Variants in CADM2 observed in about 807,000 individuals in gnomAD.
CADM2 encodes cell adhesion molecule 2.
Under a neutral mutation model 49.8 loss-of-function variants are expected in CADM2, and 12 were observed. That is an observed-to-expected ratio of 0.24 (90% CI 0.15 to 0.39). The LOEUF is 0.39. Among genes scored for constraint, CADM2 ranks in the 10% least tolerant of loss-of-function variants. CADM2 has a pLI of 1.00. For missense variants in CADM2, 378 were observed against 492.3 expected (o/e 0.77, Z 2.20); for synonymous variants, 214 against 175.4 (o/e 1.22, Z -1.74).
intron 8 of CADM2, among the ~76,000 whole-genome samples, chr3:86,064,240 G>C (rs1265227204): frequency 6.6e-6 from 1 of 151,756 alleles, no homozygotes; most frequent in Non-Finnish European, 1.5e-5. Flanking sequence ...GGTGTGTGAT[G>C]TTCCCCTTCC....
At chr3:85,181,051 C>G (rs1326929376) in intron 1 of CADM2, among the ~76,000 whole-genome samples, 1 of 152,078 alleles carries the variant, frequency 6.6e-6, no homozygotes, top group East Asian at 1.9e-4. Flanking sequence ...AGTGACTGAA[C>G]AAAGAACTCC....
chr3:85,856,698 T>A (rs886338123), intron 3 of CADM2, among the ~76,000 whole-genome samples: 14 of 152,308 alleles, frequency 9.2e-5, no homozygotes, highest in Middle Eastern at 3.4e-3. Context: ...TGAAAAATGT[T>A]CAATTGAATT....
chr3:85,746,726 C>T (rs2068637016), intron 2 of CADM2, among the ~76,000 whole-genome samples: 1 of 152,122 alleles, frequency 6.6e-6, no homozygotes, highest in Non-Finnish European at 1.5e-5. Context: ...TCTGAACCAT[C>T]TAGAGCTCAC....
chr3:85,361,217 G>A (rs1233795671), intron 1 of CADM2, among the ~76,000 whole-genome samples: 1 of 152,148 alleles, frequency 6.6e-6, no homozygotes, highest in Non-Finnish European at 1.5e-5. Context: ...CAGTTTAGCA[G>A]TGCTTGGTGG....
At chr3:85,211,678 A>T (rs960082098) in intron 1 of CADM2, among the ~76,000 whole-genome samples, 1 of 152,124 alleles carries the variant, frequency 6.6e-6, no homozygotes, top group African/African-American at 2.4e-5. Context: ...TAATATTTAA[A>T]ACTCGTTTTG....
intron 1 of CADM2, among the ~76,000 whole-genome samples, chr3:85,549,450 A>G (rs953808708): frequency 5.9e-5 from 9 of 152,184 alleles, no homozygotes; most frequent in African/African-American, 2.2e-4. Context: ...AACAAGAACT[A>G]TAGATATCTA....
At chr3:85,840,376 G>A (rs537601639) in intron 3 of CADM2, among the ~76,000 whole-genome samples, 4 of 151,836 alleles carry the variant, frequency 2.6e-5, no homozygotes, top group Non-Finnish European at 4.4e-5. Context: ...CACCAAAAGC[G>A]GTCACCTAAG....
At chr3:85,742,726 T>C (rs1335084634) in intron 2 of CADM2, among the ~76,000 whole-genome samples, 1 of 152,170 alleles carries the variant, frequency 6.6e-6, no homozygotes, top group Non-Finnish European at 1.5e-5. Flanking sequence ...TTTTAACTAT[T>C]AATATGATCT....
chr3:85,170,062 C>T (rs2040578066), intron 1 of CADM2, among the ~76,000 whole-genome samples: 2 of 151,986 alleles, frequency 1.3e-5, no homozygotes, highest in Non-Finnish European at 2.9e-5. Context: ...GAAATATGGC[C>T]CTACTATCTA....
chr3:85,434,120 T>C lies in CADM2; in HGVS notation c.62-292402T>C, dbSNP rs188033007. On this transcript the variant is annotated intron_variant, in intron 1 of 9. Transcript: ENST00000383699. ...AATCACTCTTATGATATTTACCTAA[T>C]ATCTACTAAAATTTTAACAATGTTT... Among the ~76,000 whole-genome samples the C allele has an allele frequency of 2.5e-4, 38 of 152,210 alleles. 3 individuals are homozygous for C. The East Asian group carries it at 6.6e-3, about 26-fold the overall frequency.
chr3:86,012,957 A>G, intron 8 of CADM2: 1 of 714,880 alleles, frequency 1.4e-6, no homozygotes, highest in Non-Finnish European at 2.5e-6. Flanking sequence ...CCTGGGCGAC[A>G]GCGAGACTCC....
chr3:85,146,821 T>C (rs1386395093), intron 1 of CADM2, among the ~76,000 whole-genome samples: 3 of 152,200 alleles, frequency 2.0e-5, no homozygotes, highest in African/African-American at 7.2e-5. Flanking sequence ...GTGTGACATT[T>C]CAAACTTTAC....
intron 1 of CADM2, among the ~76,000 whole-genome samples, chr3:85,723,107 C>T (rs1032159985): frequency 3.3e-5 from 5 of 152,054 alleles, no homozygotes; most frequent in Admixed American, 6.5e-5. Flanking sequence ...CATATATATA[C>T]GTGTTTTCAC....
chr3:85,946,383 C>T (rs1200095625), intron 7 of CADM2, among the ~76,000 whole-genome samples: 9 of 151,846 alleles, frequency 5.9e-5, no homozygotes, highest in African/African-American at 1.9e-4. Context: ...CAATGCCATC[C>T]CCATCAAGCT....
At chr3:85,233,837 T>C (rs539791437) in intron 1 of CADM2, among the ~76,000 whole-genome samples, 1 of 152,116 alleles carries the variant, frequency 6.6e-6, no homozygotes, top group Non-Finnish European at 1.5e-5. Context: ...GAGTAGTCTT[T>C]AGATTAAAAA....
Position 86,030,217 on chromosome 3 carries a change from A to G in CADM2, c.971-35388A>G, listed in dbSNP as rs1462618991. On this transcript the variant is annotated intron_variant, in intron 8 of 9. Transcript: ENST00000383699. ...ATATTGTAATGAAATCTAGAGACATAGAATACTTACCCTGTGAGTTATAGT... is the reference window on the plus strand; with the variant it reads ...ATATTGTAATGAAATCTAGAGACATGGAATACTTACCCTGTGAGTTATAGT... Among the ~76,000 whole-genome samples the G allele has an allele frequency of 2.6e-5, 4 of 152,154 alleles. No homozygotes were observed. In the East Asian group the frequency reaches 5.8e-4, roughly 22 times the overall value.
At chr3:86,000,067 A>G (rs1006765832) in intron 8 of CADM2, among the ~76,000 whole-genome samples, 3 of 152,206 alleles carry the variant, frequency 2.0e-5, no homozygotes, top group Non-Finnish European at 2.9e-5. Flanking sequence ...TTTAAAATTC[A>G]TACATTAGCC....
intron 1 of CADM2, among the ~76,000 whole-genome samples, chr3:85,470,473 G>T (rs1378494815): frequency 6.6e-6 from 1 of 152,054 alleles, no homozygotes; most frequent in African/African-American, 2.4e-5. Flanking sequence ...AATTACATAG[G>T]GTTTTATTAG....
intron 8 of CADM2, chr3:86,014,348 C>T: frequency 7.1e-7 from 1 of 1,407,722 alleles, no homozygotes; most frequent in Non-Finnish European, 9.5e-7. Flanking sequence ...AGGGGCAAAC[C>T]TCTGATGTCT....
Sources: gnomAD v4.1 joint callset for allele counts (sites outside exome capture counted in the v4.1 genomes callset) on GRCh38, gnomAD v4.1.1 for gene constraint, MANE v1.5 for transcripts, NCBI Gene and HGNC (gene_info 2026-07-23, HGNC 2026-07-21) for gene names.